Variants in CBFA2T2 observed in about 807,000 individuals in gnomAD.
The protein encoded by CBFA2T2 is protein CBFA2T2.
Under a neutral mutation model 62.2 loss-of-function variants are expected in CBFA2T2, and 11 were observed. The observed-to-expected ratio is 0.18, with a 90% CI of 0.11 to 0.29. The LOEUF is 0.29. Ranked by LOEUF, CBFA2T2 falls within the 10% of genes least tolerant of loss-of-function variation. The pLI is 1.00. For missense variants in CBFA2T2, 592 were observed against 774.1 expected, an observed-to-expected ratio of 0.76 and a Z score of 2.79; for synonymous variants, 295 against 287.5, an observed-to-expected ratio of 1.03 and a Z score of -0.27.
Position 33,644,489 on chromosome 20 carries a change from A to G in CBFA2T2, c.1631A>G (p.His544Arg). Residue 544 changes from histidine to arginine, a missense_variant, in exon 11 of 11, where the codon CAC (histidine) becomes CGC (arginine). Around this residue, in one of 3 missense-constraint regions of CBFA2T2, gnomAD observed 85 missense variants for 99.0 expected, o/e 0.86. Coordinates refer to ENST00000342704, the MANE Select transcript of CBFA2T2 (RefSeq NM_001032999.3). ...CAGAACCTGCATGGCCAGAGCCCCC[A>G]CGGCCAGGGCCGGCCGCTGCTTCCT... ...CGQNLHGQSP[H>R]GQGRPLLPVG... is the part of the protein sequence containing the mutation. The G allele has an allele frequency of 6.2e-7, 1 of 1,614,196 alleles. No individual in the cohort carries two copies. The highest frequency in any genetic ancestry group is 2.2e-5 in the East Asian group (1 of 44,886).
chr20:33,529,785 CTT>C (rs202192301), intron 1 of CBFA2T2, among the ~76,000 whole-genome samples: 3 of 76,474 alleles, frequency 3.9e-5, no homozygotes, highest in Non-Finnish European at 8.2e-5. Flanking sequence ...ATATATATTT[CTT>C]TTTTTTTTTT....
At chr20:33,611,398 A>G in intron 3 of CBFA2T2, 63 bp downstream of exon 3, 2 of 1,586,020 alleles carry the variant, frequency 1.3e-6, no homozygotes, top group Non-Finnish European at 8.6e-7. Context: ...CAAAGCGAGC[A>G]AAGTTCTAGA....
intron 1 of CBFA2T2, among the ~76,000 whole-genome samples, chr20:33,525,332 A>G (rs1259237369): frequency 1.3e-5 from 2 of 151,666 alleles, no homozygotes; most frequent in Non-Finnish European, 2.9e-5. Flanking sequence ...ATTACCAGGC[A>G]TGTGCCACCA....
At chr20:33,540,595 C>G (rs1207657898) in intron 1 of CBFA2T2, among the ~76,000 whole-genome samples, 2 of 152,124 alleles carry the variant, frequency 1.3e-5, no homozygotes, top group Non-Finnish European at 2.9e-5. Context: ...TAAGACTTTT[C>G]AGATTTCGTT....
chr20:33,591,880 A>C (rs1217586512), intron 1 of CBFA2T2, among the ~76,000 whole-genome samples: 2 of 152,050 alleles, frequency 1.3e-5, no homozygotes, highest in African/African-American at 4.8e-5. Context: ...GCCTCCTGTA[A>C]GTCATGGTCA....
At chr20:33,497,335 G>T (rs1050746970) in intron 1 of CBFA2T2, among the ~76,000 whole-genome samples, 7 of 150,568 alleles carry the variant, frequency 4.6e-5, no homozygotes, top group African/African-American at 1.7e-4. Context: ...CTCCATGTAG[G>T]TTTGGAAAGT....
chr20:33,623,421 C>A, intron 5 of CBFA2T2, 125 bp downstream of exon 5: 1 of 1,096,444 alleles, frequency 9.1e-7, no homozygotes, highest in Non-Finnish European at 1.3e-6. Flanking sequence ...GAGACAAGGC[C>A]TGGCTCTGTC....
At chr20:33,611,418 T>C (rs931882676) in intron 3 of CBFA2T2, 83 bp downstream of exon 3, 9 of 1,533,322 alleles carry the variant, frequency 5.9e-6, no homozygotes, top group African/African-American at 1.4e-5. Context: ...ATATTTCTGC[T>C]CATTTTCAAA....
At chr20:33,623,767 A>G (rs1320485942) in intron 5 of CBFA2T2, 5 of 711,254 alleles carry the variant, frequency 7.0e-6, no homozygotes, top group African/African-American at 1.8e-5. Context: ...TTATTCCAAT[A>G]CCTAGCTGCA....
intron 1 of CBFA2T2, among the ~76,000 whole-genome samples, chr20:33,595,644 C>G (rs564514636): frequency 1.3e-4 from 20 of 152,188 alleles, no homozygotes; most frequent in African/African-American, 4.8e-4. Context: ...CTCTGCCTCC[C>G]AGGCTCAGGC....
chr20:33,533,947 C>T (rs1462479199), intron 1 of CBFA2T2, among the ~76,000 whole-genome samples: 3 of 152,142 alleles, frequency 2.0e-5, no homozygotes, highest in African/African-American at 4.8e-5. Context: ...GCCGAGATCA[C>T]GCCAGTGCTC....
intron 5 of CBFA2T2, among the ~76,000 whole-genome samples, chr20:33,624,310 G>T (rs1312938721): frequency 6.8e-6 from 1 of 146,844 alleles, no homozygotes; most frequent in Non-Finnish European, 1.5e-5. Flanking sequence ...CTACACAATT[G>T]GACCCACTGT....
At chr20:33,503,081 ACT>A (rs1232051092) in intron 1 of CBFA2T2, among the ~76,000 whole-genome samples, 1 of 84,104 alleles carries the variant, frequency 1.2e-5, no homozygotes, top group Non-Finnish European at 2.4e-5. Context: ...ACAGAGCGAG[ACT>A]CTGTCTCAAA....
chr20:33,600,568 A>AG, intron 1 of CBFA2T2: 1 of 299,588 alleles, frequency 3.3e-6, no homozygotes, highest in Admixed American at 4.4e-5. Context: ...GCTATGGTCC[A>AG]GGAAATCTTT....
intron 1 of CBFA2T2, among the ~76,000 whole-genome samples, chr20:33,561,531 C>T (rs1478406598): frequency 6.6e-6 from 1 of 152,178 alleles, no homozygotes; most frequent in Non-Finnish European, 1.5e-5. Flanking sequence ...TGTCAACCTT[C>T]GATTTTTATT....
At chr20:33,612,414 T>C (rs1345014763) in intron 3 of CBFA2T2, among the ~76,000 whole-genome samples, 1 of 152,210 alleles carries the variant, frequency 6.6e-6, no homozygotes, top group Non-Finnish European at 1.5e-5. Flanking sequence ...TCTCCGAGTG[T>C]AAATCTAGGG....
chr20:33,627,217 A>AGTT (rs2016267589), intron 6 of CBFA2T2, among the ~76,000 whole-genome samples: 1 of 151,944 alleles, frequency 6.6e-6, no homozygotes, highest in African/African-American at 2.4e-5. Context: ...CTAACATGGT[A>AGTT]AAACCCCGTC....
intron 1 of CBFA2T2, among the ~76,000 whole-genome samples, chr20:33,536,728 C>T (rs1355942703): frequency 1.1e-4 from 16 of 149,294 alleles, no homozygotes; most frequent in African/African-American, 3.2e-4. Flanking sequence ...ACATCCCAGA[C>T]GGGGCGGCGG....
chr20:33,589,290 CCTTTGT>C (rs1470527612), intron 1 of CBFA2T2, among the ~76,000 whole-genome samples: 5 of 152,134 alleles, frequency 3.3e-5, no homozygotes, highest in African/African-American at 4.8e-5. Context: ...GGGACATCTC[CCTTTGT>C]CTTTATCTGT....
Sources: allele counts gnomAD v4.1 joint callset (sites outside exome capture counted in the v4.1 genomes callset), GRCh38; gene constraint gnomAD v4.1.1; regional missense constraint gnomAD v4.1.1; transcripts MANE v1.5; gene names NCBI Gene and HGNC (gene_info 2026-07-23, HGNC 2026-07-21).